Variants in TBXAS1 observed in about 807,000 individuals in gnomAD.
TBXAS1 encodes thromboxane-A synthase.
In TBXAS1, 48 loss-of-function variants were observed where a neutral mutation model predicts 60.7. The observed-to-expected ratio is 0.79, with a 90% CI of 0.63 to 1.01. TBXAS1 has a LOEUF of 1.01. TBXAS1 is among the 50% of genes least tolerant of loss of function. TBXAS1 has a pLI of 0.00. For missense variants in TBXAS1, 685 were observed against 686.3 expected (o/e 1.00, Z 0.02); for synonymous variants, 287 against 269.7 (o/e 1.06, Z -0.63).
chr7:139,885,293 T>C (rs1803000988), intron 3 of TBXAS1, among the ~76,000 whole-genome samples: 2 of 152,236 alleles, frequency 1.3e-5, no homozygotes, highest in Admixed American at 6.5e-5. Context: ...ATCGATAGAA[T>C]GTCTCAATTA....
At position 139,957,169 on chromosome 7, in the gene TBXAS1, G is replaced by A. The variant is rs1164510731; in HGVS notation, c.689-465G>A. 2.0e-5 allele frequency among the ~76,000 whole-genome samples: 3 copies of A among 152,356 alleles called. No homozygotes were observed. In the East Asian group the frequency reaches 5.8e-4, roughly 29 times the overall value. ...GCAGCTGCAGTGGCAGCTCTTGGGA[G>A]CAATTCAGGAGGTCATGCTGGGAAC... On this transcript the variant is annotated intron_variant, in intron 7 of 12. Coordinates refer to ENST00000448866, the MANE Select transcript of TBXAS1 (RefSeq NM_001061.7).
At chr7:139,799,874 C>T (rs1298512275) in intron 4 of TBXAS1, among the ~76,000 whole-genome samples, 1 of 152,178 alleles carries the variant, frequency 6.6e-6, no homozygotes, top group Non-Finnish European at 1.5e-5. Flanking sequence ...GGCAGTAGGC[C>T]TGGCCCTACC....
At chr7:139,816,355 G>C (rs1798147746) in intron 4 of TBXAS1, among the ~76,000 whole-genome samples, 1 of 152,194 alleles carries the variant, frequency 6.6e-6, no homozygotes, top group Non-Finnish European at 1.5e-5. Context: ...AGACAGAATA[G>C]GAAGAAATTC....
chr7:139,944,302 G>C (rs544231451), intron 5 of TBXAS1, among the ~76,000 whole-genome samples: 1 of 152,158 alleles, frequency 6.6e-6, no homozygotes, highest in Non-Finnish European at 1.5e-5. Context: ...GAAAAGTACA[G>C]GGTATGTTCA....
intron 3 of TBXAS1, 62 bp downstream of exon 3, chr7:139,875,699 A>G: frequency 6.3e-7 from 1 of 1,576,460 alleles, no homozygotes; most frequent in East Asian, 2.2e-5. Flanking sequence ...CGATATTTTG[A>G]TTTTCACGTG....
intron 4 of TBXAS1, among the ~76,000 whole-genome samples, chr7:139,808,474 AATTT>A (rs767300685): frequency 2.6e-4 from 39 of 152,256 alleles, no homozygotes; most frequent in Non-Finnish European, 5.1e-4. Flanking sequence ...TTTTTAATAT[AATTT>A]ATTTAATTGT....
intron 1 of TBXAS1, among the ~76,000 whole-genome samples, chr7:139,843,270 C>T (rs962832214): frequency 6.6e-6 from 1 of 152,192 alleles, no homozygotes; most frequent in African/African-American, 2.4e-5. Context: ...GCCCTGCCTC[C>T]TGTGGACTTG....
At chr7:139,879,362 A>G (rs73734134) in intron 3 of TBXAS1, among the ~76,000 whole-genome samples, 3,402 of 152,274 alleles carry the variant, frequency 0.022, 93 homozygotes, top group African/African-American at 0.058. Context: ...CTATACAGCT[A>G]TTAGTCGTGG....
intron 1 of TBXAS1, among the ~76,000 whole-genome samples, chr7:139,842,780 G>A (rs1396316587): frequency 6.6e-6 from 1 of 152,232 alleles, no homozygotes; most frequent in African/African-American, 2.4e-5. Context: ...GCGCTGTGGG[G>A]CCCTCCTAAA....
At chr7:139,879,409 A>G (rs1802509687) in intron 3 of TBXAS1, among the ~76,000 whole-genome samples, 1 of 152,170 alleles carries the variant, frequency 6.6e-6, no homozygotes, top group Non-Finnish European at 1.5e-5. Flanking sequence ...ATTGCACAGC[A>G]ACCTGGCCAT....
chr7:139,781,750 G>A (rs1001696788), intron 2 of TBXAS1, among the ~76,000 whole-genome samples: 11 of 143,882 alleles, frequency 7.6e-5, no homozygotes, highest in East Asian at 6.5e-4. Context: ...TAGGATAATC[G>A]CTTGAACCCA....
At chr7:139,798,339 C>T (rs914494761) in intron 4 of TBXAS1, among the ~76,000 whole-genome samples, 2 of 152,082 alleles carry the variant, frequency 1.3e-5, no homozygotes, top group Non-Finnish European at 2.9e-5. Context: ...GGAGGCGAAC[C>T]GAGGAGAAAA....
chr7:139,827,185 G>A (rs1798457321), upstream of TBXAS1, among the ~76,000 whole-genome samples: 1 of 152,128 alleles, frequency 6.6e-6, no homozygotes, highest in Non-Finnish European at 1.5e-5. Flanking sequence ...TCCTTTCCAG[G>A]GAATCTGCAC....
intron 8 of TBXAS1, among the ~76,000 whole-genome samples, chr7:139,960,044 C>T (rs535549331): frequency 2.0e-5 from 3 of 152,278 alleles, no homozygotes; most frequent in African/African-American, 7.2e-5. Context: ...CGAGCAGGGC[C>T]AGGGTGGAAT....
intron 3 of TBXAS1, among the ~76,000 whole-genome samples, chr7:139,784,197 T>C (rs1202598397): frequency 6.7e-6 from 1 of 149,952 alleles, no homozygotes; most frequent in African/African-American, 2.4e-5. Context: ...TTTCTTTCCT[T>C]CTTTCGTTTG....
At chr7:139,881,097 C>A (rs760254347) in intron 3 of TBXAS1, among the ~76,000 whole-genome samples, 5 of 152,130 alleles carry the variant, frequency 3.3e-5, no homozygotes, top group Non-Finnish European at 5.9e-5. Flanking sequence ...CTGAGGGATC[C>A]TTTGCCACTT....
At chr7:139,954,239 T>C (rs1809658614) in intron 6 of TBXAS1, among the ~76,000 whole-genome samples, 1 of 152,244 alleles carries the variant, frequency 6.6e-6, no homozygotes, top group African/African-American at 2.4e-5. Flanking sequence ...AATAATAACA[T>C]AATCATCACC....
intron 5 of TBXAS1, among the ~76,000 whole-genome samples, chr7:139,950,681 C>CTCCCTCACCCTCCATCTACGGGAT (rs1390364144): frequency 8.1e-6 from 1 of 122,746 alleles, no homozygotes. Context: ...ATCTACGGGA[C>CTCCCTCACCCTCCATCTACGGGAT]CCCCTCGCCC....
At chr7:139,787,802 C>T (rs1224117290) in intron 4 of TBXAS1, among the ~76,000 whole-genome samples, 1 of 152,130 alleles carries the variant, frequency 6.6e-6, no homozygotes, top group Non-Finnish European at 1.5e-5. Flanking sequence ...CTGTGGATTT[C>T]TTCTGCAGTC....
Sources: gnomAD v4.1 joint callset for allele counts (sites outside exome capture counted in the v4.1 genomes callset) on GRCh38, gnomAD v4.1.1 for gene constraint, MANE v1.5 for transcripts, NCBI Gene and HGNC (gene_info 2026-07-23, HGNC 2026-07-21) for gene names.